SHC4: variants seen among roughly 807,000 people sequenced by gnomAD.
SHC4 encodes SHC-transforming protein 4.
A neutral mutation model predicts 69.4 loss-of-function variants in SHC4; 41 were observed. That is an observed-to-expected ratio of 0.59 (90% confidence interval 0.46 to 0.77). SHC4 has a LOEUF of 0.77. Among genes scored for constraint, SHC4 ranks in the 30% least tolerant of loss-of-function variants. The pLI is 0.00. For synonymous variants in SHC4, 318 were observed against 299.3 expected, an observed-to-expected ratio of 1.06 and a Z score of -0.64; for missense variants, 777 against 783.8, an observed-to-expected ratio of 0.99 and a Z score of 0.10.
At chr15:48,901,193 A>G (rs1900313143) in intron 2 of SHC4, among the ~76,000 whole-genome samples, 1 of 152,228 alleles carries the variant, frequency 6.6e-6, no homozygotes, top group African/African-American at 2.4e-5. Context: ...GAAATCAGGT[A>G]GCAGGTGGGA....
chr15:48,860,294 A>G (rs971842417), intron 6 of SHC4, among the ~76,000 whole-genome samples: 1 of 152,140 alleles, frequency 6.6e-6, no homozygotes, highest in Non-Finnish European at 1.5e-5. Context: ...CAGGTGGATC[A>G]CTTGAGGTCA....
At chr15:48,839,346 A>G (rs901617727) in intron 10 of SHC4, among the ~76,000 whole-genome samples, 2 of 152,212 alleles carry the variant, frequency 1.3e-5, no homozygotes, top group African/African-American at 2.4e-5. Context: ...CTAATCTCTC[A>G]TGACCACAGT....
At chr15:48,949,679 T>C (rs1474989952) in intron 1 of SHC4, among the ~76,000 whole-genome samples, 1 of 151,876 alleles carries the variant, frequency 6.6e-6, no homozygotes, top group African/African-American at 2.4e-5. Context: ...CAGCAGCTTT[T>C]ACTCTGGCCC....
intron 1 of SHC4, among the ~76,000 whole-genome samples, chr15:48,944,530 T>C (rs1183863992): frequency 6.6e-6 from 1 of 152,158 alleles, no homozygotes; most frequent in Non-Finnish European, 1.5e-5. Context: ...AGCCCAAAGA[T>C]GGAAGCCATG....
chr15:48,912,274 C>T (rs1268593800), intron 2 of SHC4, among the ~76,000 whole-genome samples: 1 of 152,100 alleles, frequency 6.6e-6, no homozygotes, highest in African/African-American at 2.4e-5. Context: ...AGGCTTCACT[C>T]ATATTTTCTT....
intron 11 of SHC4, among the ~76,000 whole-genome samples, chr15:48,832,422 C>T (rs1196556561): frequency 6.6e-6 from 1 of 152,148 alleles, no homozygotes; most frequent in Non-Finnish European, 1.5e-5. Flanking sequence ...CTTATGGAGG[C>T]TCTCTGGCAC....
At chr15:48,865,128 T>C (rs1899534360) in intron 6 of SHC4, among the ~76,000 whole-genome samples, 1 of 152,254 alleles carries the variant, frequency 6.6e-6, no homozygotes, top group South Asian at 2.1e-4. Context: ...TTATGGATTA[T>C]GTTTCTCCCT....
intron 8 of SHC4, among the ~76,000 whole-genome samples, chr15:48,855,310 G>A (rs1449532717): frequency 6.6e-6 from 1 of 152,120 alleles, no homozygotes; most frequent in Non-Finnish European, 1.5e-5. Context: ...ACTGAAGAAG[G>A]AAATAGATTT....
chr15:48,851,644 T>G (rs1298725926), intron 8 of SHC4, among the ~76,000 whole-genome samples: 1 of 152,246 alleles, frequency 6.6e-6, no homozygotes, highest in East Asian at 1.9e-4. Context: ...ATTGGATTTC[T>G]ACTCTACTCA....
intron 1 of SHC4, among the ~76,000 whole-genome samples, chr15:48,946,832 A>G (rs1901286090): frequency 6.6e-6 from 1 of 152,240 alleles, no homozygotes; most frequent in African/African-American, 2.4e-5. Flanking sequence ...TTGGTGTTGA[A>G]TAAGAGTTTC....
intron 1 of SHC4, among the ~76,000 whole-genome samples, chr15:48,940,037 CAG>C (rs1337104186): frequency 1.3e-5 from 2 of 152,208 alleles, no homozygotes; most frequent in African/African-American, 2.4e-5. Flanking sequence ...GGCCCAGACA[CAG>C]ATGCTGACAA....
At chr15:48,873,974 T>C (rs1595740466) in intron 4 of SHC4, among the ~76,000 whole-genome samples, 1 of 152,186 alleles carries the variant, frequency 6.6e-6, no homozygotes, top group African/African-American at 2.4e-5. Context: ...ATAAATTCCA[T>C]GCAATTCCAA....
intron 8 of SHC4, 36 bp from the exon 9 acceptor site, chr15:48,851,284 A>G: frequency 6.2e-7 from 1 of 1,604,082 alleles, no homozygotes; most frequent in East Asian, 2.2e-5. Context: ...ATTTACAAAC[A>G]TAGTACACAT....
At chr15:48,841,202 T>C (rs946527617) in intron 10 of SHC4, among the ~76,000 whole-genome samples, 9 of 152,212 alleles carry the variant, frequency 5.9e-5, no homozygotes, top group Non-Finnish European at 1.2e-4. Context: ...TCTGATAATA[T>C]GTGTGGCTCT....
At chr15:48,907,924 C>A (rs1221867467) in intron 2 of SHC4, among the ~76,000 whole-genome samples, 1 of 151,028 alleles carries the variant, frequency 6.6e-6, no homozygotes, top group Non-Finnish European at 1.5e-5. Flanking sequence ...GGGTTGGTTC[C>A]ATGATTTTGC....
chr15:48,831,130 A>G (rs575758527), intron 11 of SHC4, among the ~76,000 whole-genome samples: 2 of 152,304 alleles, frequency 1.3e-5, no homozygotes, highest in African/African-American at 4.8e-5. Flanking sequence ...ATATTTTTGT[A>G]CAGCTCTATA....
rs1448642354 is a variant in SHC4, at chr15:48,867,854, C to A, written c.910G>T (p.Val304Phe). 4 of 1,613,308 alleles carry A rather than the reference C, an allele frequency of 2.5e-6. No individual in the cohort carries two copies. Among genetic ancestry groups the A allele is most frequent in the Non-Finnish European group, 3.4e-6 (4 of 1,179,592 alleles). Residue 304 changes from valine to phenylalanine, a missense_variant, in exon 6 of 12, where the codon GTT becomes TTT. Val to Phe is a conservative substitution (Grantham distance 50). Coordinates refer to ENST00000332408, the MANE Select transcript of SHC4 (RefSeq NM_203349.4). ...SGGDPDTTDY[V>F]AYVAKDPVNQ... ...ACTGGATCTTTAGCTACGTAGGCAACATAGTCTGTAGTATCCTATAAAAAA... is the reference window on the plus strand; with the variant it reads ...ACTGGATCTTTAGCTACGTAGGCAAAATAGTCTGTAGTATCCTATAAAAAA...
At chr15:48,921,161 G>C (rs1186858831) in intron 2 of SHC4, among the ~76,000 whole-genome samples, 1 of 152,120 alleles carries the variant, frequency 6.6e-6, no homozygotes. Flanking sequence ...CATGCTACAA[G>C]ATGAATTAAT....
chr15:48,899,058 A>AC (rs1197886523), intron 2 of SHC4, among the ~76,000 whole-genome samples: 15 of 151,952 alleles, frequency 9.9e-5, no homozygotes, highest in East Asian at 3.9e-4. Context: ...AAAAAAAAAA[A>AC]AAAACCGAAA....
Sources: allele counts gnomAD v4.1 joint callset (sites outside exome capture counted in the v4.1 genomes callset), GRCh38; gene constraint gnomAD v4.1.1; transcripts MANE v1.5; gene names NCBI Gene and HGNC (gene_info 2026-07-23, HGNC 2026-07-21).